EPS15: variants seen among roughly 807,000 people sequenced by gnomAD.
EPS15 encodes epidermal growth factor receptor pathway substrate 15.
EPS15 carries 72 observed loss-of-function variants against 113.8 expected under a neutral mutation model. The observed-to-expected ratio is 0.63, with a 90% CI of 0.52 to 0.77. The LOEUF is 0.77. EPS15 is among the 30% of genes least tolerant of loss of function. The pLI, the probability that EPS15 is intolerant of heterozygous loss-of-function variation, is 0.00. For synonymous variants in EPS15, 344 were observed against 363.4 expected (o/e 0.95, Z 0.61); for missense variants, 1,048 against 1,045.8 (o/e 1.00, Z -0.03).
chr1:51,486,809 C>T (rs1344939804), intron 1 of EPS15, among the ~76,000 whole-genome samples: 2 of 151,846 alleles, frequency 1.3e-5, no homozygotes, highest in African/African-American at 4.8e-5. Context: ...CTCCCGCCAC[C>T]ACACCTGGCT....
chr1:51,474,388 C>CA (rs1227422091), intron 2 of EPS15, among the ~76,000 whole-genome samples: 1 of 152,188 alleles, frequency 6.6e-6, no homozygotes, highest in Non-Finnish European at 1.5e-5. Context: ...CAGCTGACAT[C>CA]ACACTACTTT....
chr1:51,376,723 C>CAATGCAT (rs1326693814), intron 21 of EPS15, among the ~76,000 whole-genome samples: 17 of 152,202 alleles, frequency 1.1e-4, no homozygotes, highest in Admixed American at 1.0e-3. Context: ...CCTAAGTCAC[C>CAATGCAT]CAGAGCTCTG....
Position 51,361,043 on chromosome 1 carries a change from AGAAT to A in EPS15, c.2544+124_2544+127del. 9 of 703,352 alleles carry A rather than the reference AGAAT, an allele frequency of 1.3e-5. No individual in the cohort carries two copies. The South Asian group carries it at 1.8e-4, about 14-fold the overall frequency. 43.6% of individuals were successfully genotyped at this position (703,352 alleles called of 1,614,324 possible). A position where few individuals can be genotyped will look rare whatever the true frequency, so the allele number is the denominator to read the frequency against. On this transcript the variant is annotated intron_variant, in intron 24 of 24. Transcript: ENST00000371733. ...TCAAACAGAGGTTTTGCTTGGGGGA[AGAAT>A]GAAAGATCATTTTTAGTATCTTGGT...
chr1:51,390,122 G>T (rs1277536601), intron 21 of EPS15, among the ~76,000 whole-genome samples: 1 of 150,630 alleles, frequency 6.6e-6, no homozygotes. Flanking sequence ...CAGAGATATA[G>T]ATCAATGGAA....
chr1:51,459,920 A>G (rs1570353733), intron 8 of EPS15, among the ~76,000 whole-genome samples: 1 of 152,188 alleles, frequency 6.6e-6, no homozygotes, highest in East Asian at 1.9e-4. Flanking sequence ...CTGAAGAAAC[A>G]TAATACTCAT....
At chr1:51,417,433 C>T (rs1650346219) in intron 13 of EPS15, among the ~76,000 whole-genome samples, 1 of 152,146 alleles carries the variant, frequency 6.6e-6, no homozygotes, top group Non-Finnish European at 1.5e-5. Flanking sequence ...TGAACAGCTT[C>T]CTTAAATTTA....
At chr1:51,489,298 T>C (rs1011371096) in intron 1 of EPS15, among the ~76,000 whole-genome samples, 5 of 148,662 alleles carry the variant, frequency 3.4e-5, no homozygotes, top group Admixed American at 2.7e-4. Flanking sequence ...TATATATATA[T>C]ATATATATGT....
intron 21 of EPS15, among the ~76,000 whole-genome samples, chr1:51,379,658 T>C (rs909022526): frequency 1.3e-5 from 2 of 152,184 alleles, no homozygotes; most frequent in Admixed American, 1.3e-4. Context: ...GGCTCATGCC[T>C]GTAATCCCAG....
At chr1:51,449,669 C>T (rs979125804) in intron 8 of EPS15, among the ~76,000 whole-genome samples, 1 of 151,720 alleles carries the variant, frequency 6.6e-6, no homozygotes, top group Non-Finnish European at 1.5e-5. Flanking sequence ...GCAAAACTGG[C>T]CACACCACAC....
At chr1:51,455,459 G>C (rs181738331) in intron 8 of EPS15, among the ~76,000 whole-genome samples, 1 of 151,916 alleles carries the variant, frequency 6.6e-6, no homozygotes, top group East Asian at 1.9e-4. Context: ...GCGTGGTGGC[G>C]GGCACCTGTA....
At chr1:51,512,930 A>G (rs1644651288) in intron 1 of EPS15, among the ~76,000 whole-genome samples, 1 of 150,398 alleles carries the variant, frequency 6.6e-6, no homozygotes, top group Non-Finnish European at 1.5e-5. Flanking sequence ...GCTCACTGTA[A>G]CCTGCTAATC....
chr1:51,458,754 T>C (rs1208349483), intron 8 of EPS15: 1 of 243,674 alleles, frequency 4.1e-6, no homozygotes, highest in Non-Finnish European at 8.5e-6. Flanking sequence ...AAAAAATTTG[T>C]CTTTATGAGA....
chr1:51,423,384 C>A, intron 12 of EPS15: 2 of 1,080,976 alleles, frequency 1.9e-6, no homozygotes, highest in Non-Finnish European at 2.3e-6. Context: ...TACAAAAACA[C>A]GGGGAAAAAT....
intron 2 of EPS15, among the ~76,000 whole-genome samples, chr1:51,475,272 G>A (rs755655564): frequency 2.0e-5 from 3 of 152,104 alleles, no homozygotes; most frequent in Admixed American, 1.3e-4. Context: ...CTTCCACAAT[G>A]GTTGAATTAG....
At chr1:51,488,305 G>A (rs935931065) in intron 1 of EPS15, among the ~76,000 whole-genome samples, 2 of 151,756 alleles carry the variant, frequency 1.3e-5, no homozygotes, top group Non-Finnish European at 2.9e-5. Context: ...CAATTTAAAA[G>A]CAATTATATA....
chr1:51,402,864 T>C (rs2050906), intron 17 of EPS15, among the ~76,000 whole-genome samples: 45,533 of 152,086 alleles, frequency 0.3, 9,163 homozygotes, highest in African/African-American at 0.57. Context: ...AAGATCACAC[T>C]ACTGCACTCA....
chr1:51,385,286 T>G (rs1269628336), intron 21 of EPS15, among the ~76,000 whole-genome samples: 1 of 152,094 alleles, frequency 6.6e-6, no homozygotes, highest in African/African-American at 2.4e-5. Context: ...CCATAGAAGA[T>G]ATACAAATAG....
At chr1:51,420,775 T>A (rs1000920055) in intron 13 of EPS15, among the ~76,000 whole-genome samples, 3 of 152,136 alleles carry the variant, frequency 2.0e-5, no homozygotes, top group Non-Finnish European at 4.4e-5. Flanking sequence ...TCTCTCTGGC[T>A]TCTTCCTCAA....
At position 51,356,647 on chromosome 1, in the gene EPS15, T is replaced by A. The variant is rs1557760128; in HGVS notation, c.*53A>T. The A allele has an allele frequency of 8.1e-6, 12 of 1,488,004 alleles. No individual in the cohort carries two copies. Among genetic ancestry groups the A allele is most frequent in the Non-Finnish European group, 8.3e-6 (9 of 1,083,152 alleles). The allele number at this position is 1,488,004 out of a possible 1,614,324, so 92.2% of individuals were successfully genotyped here. Reference sequence around the variant, plus strand: ...GTTTTGATACACATTGTAAATAGTTTCAGTATTCAGGAAGAAGAATACTAT... The same window carrying A: ...GTTTTGATACACATTGTAAATAGTTACAGTATTCAGGAAGAAGAATACTAT... On this transcript the variant is annotated 3_prime_UTR_variant, in exon 25 of 25. Coordinates refer to ENST00000371733, the MANE Select transcript of EPS15 (RefSeq NM_001981.3).
Sources: gnomAD v4.1 joint callset for allele counts (sites outside exome capture counted in the v4.1 genomes callset) on GRCh38, gnomAD v4.1.1 for gene constraint, MANE v1.5 for transcripts, NCBI Gene and HGNC (gene_info 2026-07-23, HGNC 2026-07-21) for gene names.